The following CNBD1 variants were observed in gnomAD, a reference collection of about 807,000 sequenced individuals.
CNBD1 encodes cyclic nucleotide-binding domain-containing protein 1.
A neutral mutation model predicts 54.4 loss-of-function variants in CNBD1; 71 were observed. The observed-to-expected ratio is 1.30, with a 90% CI of 1.08 to 1.59. The LOEUF is 1.59. Among genes scored for constraint, CNBD1 ranks in the 40% most tolerant of loss-of-function variants. The pLI is 0.00. For missense variants in CNBD1, 659 were observed against 518.0 expected (o/e 1.27, Z -2.64); for synonymous variants, 182 against 170.7 (o/e 1.07, Z -0.51).
intron 10 of CNBD1, among the ~76,000 whole-genome samples, chr8:87,364,690 T>C (rs1419845395): frequency 1.3e-5 from 2 of 151,950 alleles, no homozygotes; most frequent in Non-Finnish European, 2.9e-5. Flanking sequence ...TTCCCCTTTG[T>C]GCATTCATGT....
chr8:87,163,504 TAC>T lies in CNBD1; in HGVS notation c.432-42487_432-42486del, dbSNP rs1191487353. Among the ~76,000 whole-genome samples, 3 of 152,004 alleles carry T rather than the reference TAC, an allele frequency of 2.0e-5. No homozygotes were observed. The highest frequency in any genetic ancestry group is 4.4e-5 in the Non-Finnish European group (3 of 67,926). ...CTTCTTCAATTTCCTATTCAATGTG[TAC>T]AGTTTTCTTACCTCCTTGGTTAAAT... On this transcript the variant is annotated intron_variant, in intron 4 of 10. Transcript: ENST00000518476. This position sits in a 1 kb window ranked among gnomAD's most constrained non-coding sequence, Gnocchi z 4.5.
chr8:87,401,744 A>G (rs544375637), intron 2 of CNBD1, among the ~76,000 whole-genome samples: 2 of 152,028 alleles, frequency 1.3e-5, no homozygotes, highest in African/African-American at 2.4e-5. Context: ...AGAAGCATGG[A>G]TTTTTTAAAA....
chr8:87,320,045 A>G (rs1404596568), intron 8 of CNBD1, among the ~76,000 whole-genome samples: 2 of 152,118 alleles, frequency 1.3e-5, no homozygotes, highest in African/African-American at 2.4e-5. Flanking sequence ...AAAATCAAGT[A>G]CAGACTTCAC....
chr8:87,252,660 T>G (rs1193575449), intron 6 of CNBD1, among the ~76,000 whole-genome samples: 1 of 152,168 alleles, frequency 6.6e-6, no homozygotes, highest in Non-Finnish European at 1.5e-5. Flanking sequence ...GTTAGTAAAG[T>G]TCTGATAGAT....
chr8:87,343,974 A>G (rs1035240182), intron 8 of CNBD1, among the ~76,000 whole-genome samples: 1 of 152,122 alleles, frequency 6.6e-6, no homozygotes, highest in African/African-American at 2.4e-5. Context: ...AAAAGCTCTA[A>G]CAACTTTTTC....
rs1355940315 is a variant in CNBD1 at position 87,405,199 on chromosome 8, A to C, written c.214-23347A>C. Among the ~76,000 whole-genome samples, 3 of 152,118 alleles carry C rather than the reference A, an allele frequency of 2.0e-5. No individual in the cohort carries two copies. The East Asian group carries it at 5.8e-4, about 29-fold the overall frequency. On this transcript the variant is annotated intron_variant, in intron 2 of 7. Transcript: ENST00000521593. Reference sequence around the variant, plus strand: ...AAAAATAAATTTAGGCTTTGGACTGAGAGATTTGAGTGTAATTCCAATCTC... The same window carrying C: ...AAAAATAAATTTAGGCTTTGGACTGCGAGATTTGAGTGTAATTCCAATCTC...
chr8:87,156,294 G>A (rs1416829053), intron 4 of CNBD1, among the ~76,000 whole-genome samples: 1 of 52,010 alleles, frequency 1.9e-5, no homozygotes, highest in Non-Finnish European at 3.9e-5. Context: ...ACCCAGGCTG[G>A]AGTGTGCTGC....
At chr8:87,423,825 T>G (rs1387597988) in intron 2 of CNBD1, among the ~76,000 whole-genome samples, 3 of 152,190 alleles carry the variant, frequency 2.0e-5, no homozygotes, top group Non-Finnish European at 4.4e-5. Flanking sequence ...CTTTTTCTAT[T>G]GATTGGAATA....
intron 2 of CNBD1, among the ~76,000 whole-genome samples, chr8:87,395,992 C>T (rs1055883952): frequency 2.6e-5 from 4 of 151,936 alleles, no homozygotes; most frequent in Non-Finnish European, 5.9e-5. Flanking sequence ...TTTCCTGAGG[C>T]CTCCCAGCCC....
At chr8:87,406,371 G>T (rs1053053446) in intron 2 of CNBD1, among the ~76,000 whole-genome samples, 1 of 150,452 alleles carries the variant, frequency 6.6e-6, no homozygotes, top group Non-Finnish European at 1.5e-5. Context: ...AATTCTCAAT[G>T]CATTAAAAAG....
At chr8:87,181,880 G>A (rs1257388039) in intron 4 of CNBD1, among the ~76,000 whole-genome samples, 19 of 151,938 alleles carry the variant, frequency 1.3e-4, no homozygotes, top group Admixed American at 1.1e-3. Context: ...ATTGGTTTAC[G>A]TGGTATTTAT....
intron 6 of CNBD1, among the ~76,000 whole-genome samples, chr8:87,268,977 T>A (rs1345608875): frequency 6.6e-6 from 1 of 152,126 alleles, no homozygotes; most frequent in Non-Finnish European, 1.5e-5. Flanking sequence ...CTTTGGGGAC[T>A]TAGTTATAAA....
At position 87,053,164 on chromosome 8, in the gene CNBD1, A is replaced by G. The variant is rs73281240; in HGVS notation, c.431+113410A>G. Among the ~76,000 whole-genome samples the G allele has an allele frequency of 1.0e-3, 159 of 152,332 alleles. 1 individual carries two copies. The highest frequency in any genetic ancestry group is 3.7e-3 in the African/African-American group (152 of 41,586). On this transcript the variant is annotated intron_variant, in intron 4 of 10. Transcript: ENST00000518476. ...CTTAAAGAGCTGGATCAATTGTGCAATGCTTACAAAGATTTGGGTTGTGTC... is the reference window on the plus strand; with the variant it reads ...CTTAAAGAGCTGGATCAATTGTGCAGTGCTTACAAAGATTTGGGTTGTGTC...
chr8:87,384,823 A>G (rs533372402), downstream of CNBD1, among the ~76,000 whole-genome samples: 4 of 152,170 alleles, frequency 2.6e-5, no homozygotes. Context: ...GTATAATGTT[A>G]TCTGAGGTGG....
chr8:87,329,580 C>G (rs879560696), intron 8 of CNBD1, among the ~76,000 whole-genome samples: 80 of 151,894 alleles, frequency 5.3e-4, no homozygotes, highest in Non-Finnish European at 9.3e-4. Context: ...TATATTTTAT[C>G]AGAACTTTGT....
intron 6 of CNBD1, among the ~76,000 whole-genome samples, chr8:87,245,448 A>G (rs1008983041): frequency 2.9e-5 from 4 of 139,420 alleles, no homozygotes; most frequent in African/African-American, 8.2e-5. Flanking sequence ...CTTAAATACA[A>G]TTGAAGCTTT....
chr8:86,960,351 C>A (rs1489755650), intron 4 of CNBD1, among the ~76,000 whole-genome samples: 5 of 152,170 alleles, frequency 3.3e-5, no homozygotes, highest in Non-Finnish European at 7.3e-5. Context: ...GCTCCTGGCT[C>A]AGAGGGTCCC....
intron 5 of CNBD1, among the ~76,000 whole-genome samples, chr8:87,218,218 A>G (rs1245503764): frequency 6.6e-6 from 1 of 152,108 alleles, no homozygotes; most frequent in East Asian, 1.9e-4. Context: ...CAGTGGTTAG[A>G]CATAATAGTT....
chr8:87,297,472 A>G (rs868075782), intron 8 of CNBD1, among the ~76,000 whole-genome samples: 3 of 152,162 alleles, frequency 2.0e-5, no homozygotes, highest in South Asian at 2.1e-4. Context: ...AAAGAGGCAA[A>G]AATATTGGCA....
Sources: gnomAD v4.1 joint callset for allele counts (sites outside exome capture counted in the v4.1 genomes callset) on GRCh38, gnomAD v4.1.1 for gene constraint, Gnocchi (gnomAD v3.1) non-coding constraint, MANE v1.5 for transcripts, NCBI Gene and HGNC (gene_info 2026-07-23, HGNC 2026-07-21) for gene names.